Variants in ZNF804B observed in about 807,000 individuals in gnomAD.
ZNF804B encodes zinc finger 804B.
Under a neutral mutation model 101.4 loss-of-function variants are expected in ZNF804B, and 80 were observed. The observed-to-expected ratio is 0.79, with a 90% CI of 0.66 to 0.95. The LOEUF is 0.95. Ranked by LOEUF, ZNF804B falls within the 40% of genes least tolerant of loss-of-function variation. ZNF804B has a pLI of 0.00. For missense variants in ZNF804B, 1,673 were observed against 1,561.9 expected (o/e 1.07, Z -1.20); for synonymous variants, 622 against 558.8 (o/e 1.11, Z -1.59).
rs1441655531 is a variant in ZNF804B at position 89,223,055 on chromosome 7, GT to G, written c.249+4761del. Among the ~76,000 whole-genome samples the G allele has an allele frequency of 3.3e-5, 5 of 151,906 alleles. No individual in the cohort carries two copies. The East Asian group carries it at 9.7e-4, about 29-fold the overall frequency. On this transcript the variant is annotated intron_variant, in intron 2 of 3. Coordinates refer to ENST00000333190, the MANE Select transcript of ZNF804B (RefSeq NM_181646.5). ...TTTTTCAAATTTCAAAGCTAAATCTGTCCATTTGGTTCTTTCTTCTTTAAGA... is the reference window on the plus strand; with the variant it reads ...TTTTTCAAATTTCAAAGCTAAATCTGCCATTTGGTTCTTTCTTCTTTAAGA...
intron 1 of ZNF804B, among the ~76,000 whole-genome samples, chr7:88,850,356 A>T (rs781178809): frequency 6.6e-6 from 1 of 152,130 alleles, no homozygotes; most frequent in Non-Finnish European, 1.5e-5. Flanking sequence ...TGCAGAATAG[A>T]GTATCAGAGG....
intron 1 of ZNF804B, among the ~76,000 whole-genome samples, chr7:89,040,140 C>T (rs1788993728): frequency 1.3e-5 from 2 of 151,930 alleles, no homozygotes; most frequent in East Asian, 1.9e-4. Flanking sequence ...AATGATATCT[C>T]ATAAATCCCA....
intron 2 of ZNF804B, among the ~76,000 whole-genome samples, chr7:89,246,845 G>C (rs985197564): frequency 6.6e-6 from 1 of 152,138 alleles, no homozygotes; most frequent in African/African-American, 2.4e-5. Flanking sequence ...TACTTGAGCA[G>C]ATTGGCAACC....
chr7:89,031,197 A>G (rs201270875), intron 1 of ZNF804B, among the ~76,000 whole-genome samples: 30 of 149,522 alleles, frequency 2.0e-4, no homozygotes, highest in Non-Finnish European at 4.2e-4. Flanking sequence ...GTATATATAT[A>G]TATGTGTGTG....
intron 1 of ZNF804B, among the ~76,000 whole-genome samples, chr7:88,877,841 G>T (rs1430020206): frequency 6.6e-6 from 1 of 152,010 alleles, no homozygotes; most frequent in Non-Finnish European, 1.5e-5. Context: ...AAACTGTATT[G>T]TTTTGGAATT....
At chr7:89,057,160 G>A (rs1247708947) in intron 1 of ZNF804B, among the ~76,000 whole-genome samples, 1 of 152,046 alleles carries the variant, frequency 6.6e-6, no homozygotes. Flanking sequence ...CTGTCTATAG[G>A]AACAATGGGG....
rs190137828 is a variant in ZNF804B at position 89,067,296 on chromosome 7, A to C, written c.109-150859A>C. Among the ~76,000 whole-genome samples, 82 of 152,302 alleles carry C rather than the reference A, an allele frequency of 5.4e-4. 1 individual carries two copies. The East Asian group carries it at 0.014, about 25-fold the overall frequency. On this transcript the variant is annotated intron_variant, in intron 1 of 3. Coordinates refer to ENST00000333190, the MANE Select transcript of ZNF804B (RefSeq NM_181646.5). ...AATTGTAGACCGAGTTGTTGATTGG[A>C]ATCTCTATCACTGGGAGGAGCCCAG...
chr7:88,790,048 G>A (rs1030445463), intron 1 of ZNF804B, among the ~76,000 whole-genome samples: 1 of 151,996 alleles, frequency 6.6e-6, no homozygotes, highest in African/African-American at 2.4e-5. Context: ...TATCAACGGG[G>A]CAGTCTGTAC....
At chr7:89,180,471 G>A (rs1246573707) in intron 1 of ZNF804B, among the ~76,000 whole-genome samples, 1 of 151,990 alleles carries the variant, frequency 6.6e-6, no homozygotes, top group East Asian at 1.9e-4. Context: ...CCTGAATCCT[G>A]ATAATGCATA....
intron 1 of ZNF804B, among the ~76,000 whole-genome samples, chr7:89,130,924 C>T (rs567869085): frequency 3.9e-5 from 6 of 152,056 alleles, no homozygotes; most frequent in African/African-American, 1.2e-4. Flanking sequence ...AGGAACTGAA[C>T]GACCAAAGTT....
At chr7:89,125,751 T>G (rs1260242336) in intron 1 of ZNF804B, among the ~76,000 whole-genome samples, 3 of 152,112 alleles carry the variant, frequency 2.0e-5, no homozygotes, top group African/African-American at 7.2e-5. Flanking sequence ...TGTCTATGCC[T>G]CCTTTGTTCA....
intron 2 of ZNF804B, among the ~76,000 whole-genome samples, chr7:89,314,600 G>A (rs536438561): frequency 1.2e-4 from 18 of 152,204 alleles, no homozygotes; most frequent in Admixed American, 8.5e-4. Context: ...CTATGCAAAC[G>A]ATTTACTTTT....
At chr7:88,815,749 T>C (rs966190259) in intron 1 of ZNF804B, among the ~76,000 whole-genome samples, 23 of 152,116 alleles carry the variant, frequency 1.5e-4, no homozygotes, top group African/African-American at 2.2e-4. Flanking sequence ...CTCTTTTGCA[T>C]ATGTGTACCT....
chr7:88,822,348 G>T (rs772454846), intron 1 of ZNF804B, among the ~76,000 whole-genome samples: 1 of 152,024 alleles, frequency 6.6e-6, no homozygotes, highest in African/African-American at 2.4e-5. Flanking sequence ...TTGGTTTCTT[G>T]TTTATCGAGT....
chr7:88,775,033 A>C (rs571003482), intron 1 of ZNF804B, among the ~76,000 whole-genome samples: 8 of 152,320 alleles, frequency 5.3e-5, no homozygotes, highest in Non-Finnish European at 1.0e-4. Flanking sequence ...GTGATAGTGA[A>C]GTCAACACAA....
chr7:88,770,772 A>G (rs1252027967), intron 1 of ZNF804B, among the ~76,000 whole-genome samples: 1 of 152,188 alleles, frequency 6.6e-6, no homozygotes, highest in Non-Finnish European at 1.5e-5. Context: ...GTAGGGAAAC[A>G]AGAAGAGCTC....
At chr7:89,295,748 A>G (rs1479079550) in intron 2 of ZNF804B, among the ~76,000 whole-genome samples, 1 of 152,162 alleles carries the variant, frequency 6.6e-6, no homozygotes. Context: ...ATGTGAAGTC[A>G]ATCTAAGTAC....
At chr7:88,953,549 T>A (rs1056821004) in intron 1 of ZNF804B, among the ~76,000 whole-genome samples, 2 of 151,788 alleles carry the variant, frequency 1.3e-5, no homozygotes, top group African/African-American at 4.8e-5. Flanking sequence ...ATTGAGGTTG[T>A]TTATTTTGTA....
At chr7:88,902,845 A>T (rs920110376) in intron 1 of ZNF804B, among the ~76,000 whole-genome samples, 1 of 152,168 alleles carries the variant, frequency 6.6e-6, no homozygotes, top group Non-Finnish European at 1.5e-5. Flanking sequence ...AGTAAATTCC[A>T]AGATGGCATT....
Sources: allele counts gnomAD v4.1 joint callset (sites outside exome capture counted in the v4.1 genomes callset), GRCh38; gene constraint gnomAD v4.1.1; transcripts MANE v1.5; gene names NCBI Gene and HGNC (gene_info 2026-07-23, HGNC 2026-07-21).